CCAR2: variants seen among roughly 807,000 people sequenced by gnomAD.
CCAR2 encodes cell cycle and apoptosis regulator 2, also known as cell cycle and apoptosis regulator protein 2.
Under a neutral mutation model 108.1 loss-of-function variants are expected in CCAR2, and 21 were observed. The observed-to-expected ratio is 0.19, with a 90% CI of 0.14 to 0.28. CCAR2 has a LOEUF of 0.28. CCAR2 is among the 10% of genes least tolerant of loss of function. The probability of loss-of-function intolerance (pLI) is 1.00; values close to 1 mark genes in which losing one functional copy is unlikely to be tolerated. For synonymous variants in CCAR2, 577 were observed against 472.8 expected (o/e 1.22, Z -2.86); for missense variants, 1,126 against 1,177.0 (o/e 0.96, Z 0.63).
Position 22,615,884 on chromosome 8 carries a change from G to T in CCAR2, c.1580G>T (p.Arg527Leu). The change falls in exon 13 of 21, where the codon CGG becomes CTG. Residue 527 changes from arginine (R) to leucine (L), a missense_variant. Coordinates refer to ENST00000308511, the MANE Select transcript of CCAR2 (RefSeq NM_001393997.1). ...TCCCTCCATGGGATTGTGGAGGATC[G>T]GAGGCCAAAGGAAAGGATCTCTTTT... ...NLSLHGIVED[R>L]RPKERISFEV... The T allele has an allele frequency of 6.2e-7, 1 of 1,614,002 alleles. No homozygotes were observed. The highest frequency in any genetic ancestry group is 8.5e-7 in the Non-Finnish European group (1 of 1,180,026).
chr8:22,615,695 C>T lies in CCAR2; in HGVS notation c.1391C>T (p.Thr464Ile), dbSNP rs989647103. 6.2e-7 allele frequency: 1 copy of T among 1,613,694 alleles called. No individual in the cohort carries two copies. Among genetic ancestry groups the T allele is most frequent in the Non-Finnish European group, 8.5e-7 (1 of 1,180,012 alleles). Reference sequence around the variant, plus strand: ...CTGTTGTCACAGGAAACGGAGCCTACTGAACAGGCACCTGATGCCTTGGAG... The same window carrying T: ...CTGTTGTCACAGGAAACGGAGCCTATTGAACAGGCACCTGATGCCTTGGAG... ...TQEAQGETEP[T>I]EQAPDALEQA... The change falls in exon 13 of 21, where the codon ACT (threonine) becomes ATT (isoleucine). Residue 464 changes from threonine to isoleucine, a missense_variant. By Grantham distance (89) the Thr-to-Ile change is moderately conservative (BLOSUM62 -1). Transcript: ENST00000308511.
At chr8:22,609,264 A>G (rs146692652) in intron 7 of CCAR2, among the ~76,000 whole-genome samples, 33 of 152,324 alleles carry the variant, frequency 2.2e-4, no homozygotes, top group East Asian at 1.4e-3. Flanking sequence ...GCTTATGCCT[A>G]TAAATCCCAG....
chr8:22,616,110 C>G lies in CCAR2; in HGVS notation c.1707C>G (p.Ser569=). The G allele has an allele frequency of 6.2e-7, 1 of 1,613,884 alleles. No individual in the cohort carries two copies. Among genetic ancestry groups the G allele is most frequent in the Non-Finnish European group, 8.5e-7 (1 of 1,180,014 alleles). Reference sequence around the variant, plus strand: ...TGAGCCTTCCTGAAAAGGTCGTGTCCCCACCTGAACCTGAGAAGGAGGAGG... The same window carrying G: ...TGAGCCTTCCTGAAAAGGTCGTGTCGCCACCTGAACCTGAGAAGGAGGAGG... ...MLLSLPEKVV[S]PPEPEKEEAA... The change falls in exon 14 of 21, where the codon TCC becomes TCG. Residue 569 remains serine (S), a synonymous_variant. Coordinates refer to ENST00000308511, the MANE Select transcript of CCAR2 (RefSeq NM_001393997.1).
rs1419860618 is a variant in CCAR2 at position 22,614,384 on chromosome 8, G to C, written c.928-6G>C. On this transcript the variant is annotated splice_polypyrimidine_tract_variant and splice_region_variant and intron_variant, in intron 9 of 20. Transcript: ENST00000308511. ...AAGGCAGCTCTGAGTGTCTCCTCCT[G>C]CACAGGTACTGCTGCTCTCTTCCCC... 4 of 1,613,940 alleles carry C rather than the reference G, an allele frequency of 2.5e-6. No individual in the cohort carries two copies. In the African/African-American group the frequency reaches 5.3e-5, roughly 22 times the overall value.
Position 22,618,646 on chromosome 8 carries a change from C to T in CCAR2, c.2250C>T (p.Thr750=). ...AGCAGCTGGTCAGCAGGGTGGTGAC[C>T]CAGAACATCTGCCAGTACCGGAGCC... ...QAKQLVSRVV[T]QNICQYRSLQ... Residue 750 remains threonine (T), a synonymous_variant, in exon 18 of 21, where the codon ACC becomes ACT. Transcript: ENST00000308511. 6.2e-7 allele frequency: 1 copy of T among 1,614,082 alleles called. No individual in the cohort carries two copies. The highest frequency in any genetic ancestry group is 1.1e-5 in the South Asian group (1 of 91,086).
chr8:22,611,858 A>G (rs146703387), intron 7 of CCAR2, among the ~76,000 whole-genome samples: 14 of 151,454 alleles, frequency 9.2e-5, no homozygotes, highest in Middle Eastern at 3.5e-3. Flanking sequence ...TCTTGGGACA[A>G]ATTTTCAAGA....
At chr8:22,619,411 T>C in intron 20 of CCAR2, 56 bp downstream of exon 20, 1 of 1,531,922 alleles carries the variant, frequency 6.5e-7, no homozygotes, top group East Asian at 2.5e-5. Context: ...GCTCCAAAAG[T>C]CCCCAGAAGG....
intron 14 of CCAR2, 99 bp downstream of exon 14, chr8:22,616,347 C>T (rs986878016): frequency 2.8e-6 from 3 of 1,081,452 alleles, no homozygotes; most frequent in Non-Finnish European, 4.1e-6. Context: ...TTAGCTCATT[C>T]CCTGCACCCT....
At chr8:22,606,793 T>A in intron 4 of CCAR2, 95 bp downstream of exon 4, 5 of 1,469,326 alleles carry the variant, frequency 3.4e-6, no homozygotes, top group Non-Finnish European at 4.7e-6. Flanking sequence ...AGCCATTGCT[T>A]TGCTGTTTTT....
rs1801063818 is a variant in CCAR2 at position 22,605,995 on chromosome 8, C to CTGTA, written c.59-89_59-86dup. On this transcript the variant is annotated intron_variant, in intron 2 of 20. Coordinates refer to ENST00000308511, the MANE Select transcript of CCAR2 (RefSeq NM_001393997.1). ...AGCTCTGTGGAGGAGCTGGCTGGAG[C>CTGTA]TGTAGCCTTTGGATTTACCACATCC... is the stretch of plus-strand genomic sequence containing the variant. The CTGTA allele has an allele frequency of 6.7e-6, 9 of 1,334,472 alleles. No individual in the cohort carries two copies. The East Asian group carries it at 2.1e-4, about 31-fold the overall frequency. 82.7% of individuals were successfully genotyped at this position (1,334,472 alleles called of 1,614,324 possible).
chr8:22,613,514 A>C (rs1801377662), intron 8 of CCAR2, among the ~76,000 whole-genome samples: 1 of 152,176 alleles, frequency 6.6e-6, no homozygotes, highest in South Asian at 2.1e-4. Flanking sequence ...ATTTCTAGAA[A>C]TGGAGCAGCT....
chr8:22,619,842 G>A lies in CCAR2; in HGVS notation c.*160G>A. ...CTAGGGGACGGCAGGCCATCAGGCT[G>A]GGGGCTGTGCTATGTGGGATGGATG... On this transcript the variant is annotated 3_prime_UTR_variant, in exon 21 of 21. Transcript: ENST00000308511. 1 of 726,872 alleles carries A rather than the reference G, an allele frequency of 1.4e-6. No individual in the cohort carries two copies. Among genetic ancestry groups the A allele is most frequent in the Non-Finnish European group, 2.3e-6 (1 of 428,868 alleles). The allele number at this position is 726,872 out of a possible 1,614,324, so 45.0% of individuals were successfully genotyped here. A position where few individuals can be genotyped will look rare whatever the true frequency, so the allele number is the denominator to read the frequency against.
At chr8:22,604,972 G>T in intron 1 of CCAR2, 130 bp downstream of exon 1, 3 of 322,312 alleles carry the variant, frequency 9.3e-6, no homozygotes, top group Non-Finnish European at 1.8e-5. Context: ...TCTTTGGACT[G>T]CAAGTCCCGT....
chr8:22,605,748 G>C lies in CCAR2; in HGVS notation c.-26G>C. 6.2e-7 allele frequency: 1 copy of C among 1,607,244 alleles called. No homozygotes were observed. The highest frequency in any genetic ancestry group is 8.5e-7 in the Non-Finnish European group (1 of 1,174,972). On this transcript the variant is annotated 5_prime_UTR_variant, in exon 2 of 21. Transcript: ENST00000308511. The stretch of plus-strand genomic sequence containing the variant: ...TTTTGGATTGAAGCCTTTTCCCCAC[G>C]ACTCTGAAAGAGGACAGCGTTCCCA...
Position 22,614,256 on chromosome 8 carries a change from C to T in CCAR2, c.869C>T (p.Ala290Val). 6.2e-7 allele frequency: 1 copy of T among 1,614,096 alleles called. No homozygotes were observed. The highest frequency in any genetic ancestry group is 1.1e-5 in the South Asian group (1 of 91,084). Residue 290 changes from alanine to valine, a missense_variant, in exon 9 of 21, where the codon GCT becomes GTT. Physicochemically the swap from Ala to Val is moderately conservative, Grantham distance 64. Around this residue, in one of 4 missense-constraint regions of CCAR2, gnomAD observed 1,013 missense variants for 993.9 expected, o/e 1.02. Transcript: ENST00000308511. ...RIQVSSEKEA[A>V]PDAGAEPITA... The stretch of plus-strand genomic sequence containing the variant: ...CAGGTCTCTTCTGAAAAGGAGGCAG[C>T]TCCAGACGCTGGTGCTGAGCCCATC...
intron 1 of CCAR2, 110 bp from the exon 2 acceptor site, chr8:22,605,626 T>C: frequency 1.5e-6 from 1 of 661,528 alleles, no homozygotes. Flanking sequence ...TCATTCTTAT[T>C]ACCCACCTCC....
chr8:22,618,417 C>G lies in CCAR2; in HGVS notation c.2142C>G (p.Ala714=). 6.2e-7 allele frequency: 1 copy of G among 1,614,206 alleles called. No homozygotes were observed. ...TGCTTGCTTTTGTGTTCTTTGATGC[C>G]AACTGGTGTGGCTACTTGCACCGGC... The part of the protein sequence containing the change: ...DCLLAFVFFD[A]NWCGYLHRRD... The change falls in exon 17 of 21, where the codon GCC becomes GCG. Residue 714 remains alanine (A), a synonymous_variant. Coordinates refer to ENST00000308511, the MANE Select transcript of CCAR2 (RefSeq NM_001393997.1).
At chr8:22,614,686 T>G (rs1421690656) in intron 10 of CCAR2, 152 bp from the exon 11 acceptor site, 1 of 1,093,426 alleles carries the variant, frequency 9.1e-7, no homozygotes, top group East Asian at 2.6e-5. Context: ...GAGAGCGAGG[T>G]GGCTGGTTCA....
intron 18 of CCAR2, 23 bp from the exon 19 acceptor site, chr8:22,618,804 T>C (rs761511063): frequency 6.2e-7 from 1 of 1,613,148 alleles, no homozygotes; most frequent in Admixed American, 1.7e-5. Context: ...CCATCCTGAA[T>C]TCTTTTTCAC....
Sources: allele counts gnomAD v4.1 joint callset (sites outside exome capture counted in the v4.1 genomes callset), GRCh38; gene constraint gnomAD v4.1.1; regional missense constraint gnomAD v4.1.1; transcripts MANE v1.5; gene names NCBI Gene and HGNC (gene_info 2026-07-23, HGNC 2026-07-21).